CAMTA1: variants seen among roughly 807,000 people sequenced by gnomAD.
CAMTA1 encodes calmodulin-binding transcription activator 1.
A neutral mutation model predicts 170.9 loss-of-function variants in CAMTA1; 27 were observed. The ratio of observed to expected loss-of-function variants is 0.16; its 90% confidence interval spans 0.12 to 0.22. The LOEUF is 0.22. Among genes scored for constraint, CAMTA1 ranks in the 10% least tolerant of loss-of-function variants. The pLI is 1.00. For synonymous variants in CAMTA1, 833 were observed against 891.5 expected, an observed-to-expected ratio of 0.93 and a Z score of 1.17; for missense variants, 1,619 against 2,217.2, an observed-to-expected ratio of 0.73 and a Z score of 5.42.
At chr1:7,712,858 A>G (rs1342739672) in intron 11 of CAMTA1, among the ~76,000 whole-genome samples, 1 of 152,132 alleles carries the variant, frequency 6.6e-6, no homozygotes, top group East Asian at 1.9e-4. Flanking sequence ...TTAACATGGC[A>G]GCAGGCGAGA....
intron 6 of CAMTA1, among the ~76,000 whole-genome samples, chr1:7,571,083 A>G (rs2095120016): frequency 6.6e-6 from 1 of 152,244 alleles, no homozygotes; most frequent in African/African-American, 2.4e-5. Flanking sequence ...AAAGTGTCTT[A>G]GTCCATTGGG....
At chr1:7,002,939 C>T (rs1052683734) in intron 3 of CAMTA1, among the ~76,000 whole-genome samples, 4 of 152,136 alleles carry the variant, frequency 2.6e-5, no homozygotes, top group African/African-American at 7.2e-5. Flanking sequence ...CAGAGGACAG[C>T]GCAAAGAAGC....
At chr1:7,390,727 C>A (rs987890988) in intron 5 of CAMTA1, among the ~76,000 whole-genome samples, 1 of 152,248 alleles carries the variant, frequency 6.6e-6, no homozygotes, top group Non-Finnish European at 1.5e-5. Context: ...AAAAAGAGCA[C>A]CTCTCCCCCA....
intron 5 of CAMTA1, among the ~76,000 whole-genome samples, chr1:7,379,550 G>A (rs1479763993): frequency 1.3e-5 from 2 of 152,180 alleles, no homozygotes; most frequent in African/African-American, 4.8e-5. Flanking sequence ...TGGCAGAAAA[G>A]GCTGCTGGTG....
intron 3 of CAMTA1, among the ~76,000 whole-genome samples, chr1:6,975,710 G>A (rs1693301629): frequency 6.6e-6 from 1 of 152,084 alleles, no homozygotes; most frequent in African/African-American, 2.4e-5. Flanking sequence ...AGTGGTTTTA[G>A]TATACTCACA....
intron 6 of CAMTA1, among the ~76,000 whole-genome samples, chr1:7,582,605 T>C (rs57067593): frequency 0.04 from 6,032 of 152,176 alleles, 406 homozygotes; most frequent in African/African-American, 0.14. Context: ...TAACATCCAC[T>C]CCAGCAGCTT....
intron 3 of CAMTA1, among the ~76,000 whole-genome samples, chr1:7,000,588 A>C (rs982451914): frequency 6.6e-6 from 1 of 152,130 alleles, no homozygotes; most frequent in Non-Finnish European, 1.5e-5. Flanking sequence ...CTATCCTGAG[A>C]GGGAGCAGGT....
intron 3 of CAMTA1, among the ~76,000 whole-genome samples, chr1:6,984,623 A>G (rs1022206549): frequency 1.4e-5 from 2 of 145,164 alleles, no homozygotes; most frequent in Admixed American, 1.3e-4. Context: ...AAAAAAGAAA[A>G]TACTCACAAA....
In CAMTA1 at chr1:6,995,295, C is replaced by CTT. The variant is rs765139922; in HGVS notation, c.235-95986_235-95985dup. On this transcript the variant is annotated intron_variant, in intron 3 of 22. Coordinates refer to ENST00000303635, the MANE Select transcript of CAMTA1 (RefSeq NM_015215.4). ...TCCTTTAAAATCTTTTTTTTCTTTT[C>CTT]TTTTTTTTTTTTTTTTTTTTTTTTG... Among the ~76,000 whole-genome samples the CTT allele has an allele frequency of 9.8e-3, 596 of 60,596 alleles. 24 individuals carry two copies. The highest frequency in any genetic ancestry group is 0.019 in the African/African-American group (279 of 14,612). 39.8% of individuals were successfully genotyped at this position (60,596 alleles called of 152,430 possible).
chr1:6,890,952 A>AT (rs1258508852), intron 3 of CAMTA1, among the ~76,000 whole-genome samples: 1 of 152,190 alleles, frequency 6.6e-6, no homozygotes, highest in Non-Finnish European at 1.5e-5. Flanking sequence ...GGACCTCAAG[A>AT]AAGTCACTCT....
chr1:7,165,361 T>G (rs1648160960), intron 4 of CAMTA1, among the ~76,000 whole-genome samples: 1 of 152,214 alleles, frequency 6.6e-6, no homozygotes, highest in Non-Finnish European at 1.5e-5. Context: ...AAACATAATG[T>G]ATACACATAA....
intron 4 of CAMTA1, among the ~76,000 whole-genome samples, chr1:7,131,733 C>T (rs1645267634): frequency 6.6e-6 from 1 of 152,034 alleles, no homozygotes. Context: ...TATAGCTTTA[C>T]AACATGTATT....
chr1:7,333,880 T>A lies in CAMTA1; in HGVS notation c.438+84254T>A, dbSNP rs1317643466. Among the ~76,000 whole-genome samples the A allele has an allele frequency of 6.6e-6, 1 of 152,210 alleles. No homozygotes were observed. Among genetic ancestry groups the A allele is most frequent in the East Asian group, 1.9e-4 (1 of 5,196 alleles). On this transcript the variant is annotated intron_variant, in intron 5 of 22. Transcript: ENST00000303635. The surrounding 1 kb of genome is among the most constrained non-coding windows in gnomAD (Gnocchi z 4.4). Reference sequence around the variant, plus strand: ...GGCATTCCAGTGAAATGGAGGAATTTTTTTTTATTACTTACATTTATCAAG... The same window carrying A: ...GGCATTCCAGTGAAATGGAGGAATTATTTTTTATTACTTACATTTATCAAG...
At chr1:7,118,298 T>A (rs1352613686) in intron 4 of CAMTA1, among the ~76,000 whole-genome samples, 1 of 147,604 alleles carries the variant, frequency 6.8e-6, no homozygotes, top group Non-Finnish European at 1.5e-5. Context: ...TCCTTTTTTT[T>A]TTTTTTTTTT....
intron 4 of CAMTA1, among the ~76,000 whole-genome samples, chr1:7,111,910 A>AAAC (rs1558118150): frequency 6.6e-6 from 1 of 151,286 alleles, no homozygotes; most frequent in African/African-American, 2.4e-5. Context: ...AAAAAAAAAA[A>AAAC]AACCGAAGAC....
chr1:6,847,438 C>T (rs1046635726), intron 3 of CAMTA1, among the ~76,000 whole-genome samples: 10 of 151,850 alleles, frequency 6.6e-5, no homozygotes, highest in East Asian at 1.9e-4. Context: ...TTGGATAATT[C>T]GCTATGGCTA....
At chr1:7,360,019 T>C (rs886730610) in intron 5 of CAMTA1, among the ~76,000 whole-genome samples, 1 of 152,184 alleles carries the variant, frequency 6.6e-6, no homozygotes, top group African/African-American at 2.4e-5. Flanking sequence ...TGCTGGCATG[T>C]GCTTCAGTGT....
Position 7,659,380 on chromosome 1 carries a change from A to G in CAMTA1, c.665-2346A>G, listed in dbSNP as rs557768530. ...GAAACCCCATCTCTACTAAAAATAC[A>G]AAAATTAGCCAGGCCCGGTGGCAGG... On this transcript the variant is annotated intron_variant, in intron 7 of 22. Coordinates refer to ENST00000303635, the MANE Select transcript of CAMTA1 (RefSeq NM_015215.4). Among the ~76,000 whole-genome samples, 9 of 152,234 alleles carry G rather than the reference A, an allele frequency of 5.9e-5. No individual in the cohort carries two copies. In the East Asian group the frequency reaches 1.5e-3, roughly 26 times the overall value.
At chr1:7,179,040 T>C (rs1651541673) in intron 4 of CAMTA1, among the ~76,000 whole-genome samples, 1 of 152,186 alleles carries the variant, frequency 6.6e-6, no homozygotes, top group Non-Finnish European at 1.5e-5. Flanking sequence ...GGAACACCAG[T>C]ACCAACATCC....
Sources: gnomAD v4.1 joint callset for allele counts (sites outside exome capture counted in the v4.1 genomes callset) on GRCh38, gnomAD v4.1.1 for gene constraint, Gnocchi (gnomAD v3.1) non-coding constraint, MANE v1.5 for transcripts, NCBI Gene and HGNC (gene_info 2026-07-23, HGNC 2026-07-21) for gene names.